Variants in PAK3 observed in about 807,000 individuals in gnomAD.
PAK3 encodes serine/threonine-protein kinase PAK 3.
Under a neutral mutation model 41.0 loss-of-function variants are expected in PAK3, and 4 were observed. The observed-to-expected ratio is 0.10, with a 90% confidence interval of 0.05 to 0.22. The LOEUF (loss-of-function observed/expected upper bound fraction) is 0.22. Ranked by LOEUF, PAK3 falls within the 10% of genes least tolerant of loss-of-function variation. The pLI, the probability that PAK3 is intolerant of heterozygous loss-of-function variation, is 1.00. For missense variants in PAK3, 205 were observed against 409.9 expected, an observed-to-expected ratio of 0.50 and a Z score of 4.32; for synonymous variants, 146 against 139.6, an observed-to-expected ratio of 1.05 and a Z score of -0.32.
At chrX:111,182,152 C>G (rs909526570) in intron 11 of PAK3, among the ~76,000 whole-genome samples, 3 of 111,178 alleles carry the variant, frequency 2.7e-5, no homozygotes, top group Non-Finnish European at 5.7e-5. Context: ...GCCACCTGCC[C>G]CCCTTTCCTG....
chrX:111,001,995 G>A (rs1327664057), intron 1 of PAK3, among the ~76,000 whole-genome samples: 2 of 111,003 alleles, frequency 1.8e-5, no homozygotes, highest in Admixed American at 1.9e-4. Flanking sequence ...GTAAAATACT[G>A]CATAAGGTAT....
At chrX:111,085,011 G>A (rs1342791332) in intron 1 of PAK3, among the ~76,000 whole-genome samples, 2 of 111,620 alleles carry the variant, frequency 1.8e-5, no homozygotes, top group Non-Finnish European at 3.8e-5. Flanking sequence ...AATGGTCTGG[G>A]GAGAGAATCT....
At chrX:110,960,107 A>G (rs1227772060) in intron 1 of PAK3, among the ~76,000 whole-genome samples, 1 of 111,617 alleles carries the variant, frequency 9.0e-6, no homozygotes, top group Non-Finnish European at 1.9e-5. Flanking sequence ...CTTGTTGGCA[A>G]TCTATCCAAC....
At chrX:111,188,448 T>C (rs188249608) in intron 11 of PAK3, among the ~76,000 whole-genome samples, 1 of 111,190 alleles carries the variant, frequency 9.0e-6, no homozygotes, top group East Asian at 2.8e-4. Flanking sequence ...GGTTTCTTCA[T>C]ACAGTTTCAT....
At chrX:110,982,943 T>G (rs1221774452) in intron 1 of PAK3, among the ~76,000 whole-genome samples, 1 of 110,084 alleles carries the variant, frequency 9.1e-6, no homozygotes, top group Admixed American at 9.7e-5. Flanking sequence ...AGGGGATGAT[T>G]TGTATTTATG....
intron 1 of PAK3, among the ~76,000 whole-genome samples, chrX:111,086,234 G>C (rs747125514): frequency 9.0e-6 from 1 of 111,611 alleles, no homozygotes; most frequent in East Asian, 2.8e-4. Context: ...ATCTGTAAGA[G>C]AAAGTAAGGA....
At chrX:110,949,444 A>C (rs1422652364) in intron 1 of PAK3, among the ~76,000 whole-genome samples, 1 of 111,628 alleles carries the variant, frequency 9.0e-6, no homozygotes, top group African/African-American at 3.3e-5. Flanking sequence ...TGTGCCAAGG[A>C]TCCCCTTGAA....
chrX:110,970,565 G>A (rs770824423), intron 1 of PAK3, among the ~76,000 whole-genome samples: 3 of 111,059 alleles, frequency 2.7e-5, no homozygotes, highest in East Asian at 2.8e-4. Context: ...CATGGACATC[G>A]GGAGGGGAAC....
At chrX:110,994,553 C>T (rs754199723) in intron 1 of PAK3, among the ~76,000 whole-genome samples, 1 of 111,631 alleles carries the variant, frequency 9.0e-6, no homozygotes, top group Non-Finnish European at 1.9e-5. Flanking sequence ...CCTGACCAAG[C>T]AGGACACTTG....
At chrX:111,116,691 G>A (rs2093470682) in intron 4 of PAK3, among the ~76,000 whole-genome samples, 1 of 111,750 alleles carries the variant, frequency 8.9e-6, no homozygotes, top group African/African-American at 3.2e-5. Context: ...GAAAACAATG[G>A]AAGTCACTCA....
chrX:110,980,249 G>A (rs979653387), intron 1 of PAK3, among the ~76,000 whole-genome samples: 14 of 112,204 alleles, frequency 1.2e-4, no homozygotes, highest in African/African-American at 4.5e-4. Context: ...AATCATTGGA[G>A]TAATTTCTCA....
At chrX:111,118,543 C>T (rs1369613885) in intron 4 of PAK3, among the ~76,000 whole-genome samples, 1 of 110,365 alleles carries the variant, frequency 9.1e-6, no homozygotes, top group Non-Finnish European at 1.9e-5. Flanking sequence ...GTTTGATCCT[C>T]TCATTTGCTA....
intron 14 of PAK3, among the ~76,000 whole-genome samples, chrX:111,195,491 A>G (rs2094604960): frequency 8.9e-6 from 1 of 112,218 alleles, no homozygotes; most frequent in Non-Finnish European, 1.9e-5. Flanking sequence ...CATGCCATCT[A>G]CAATGAAGCT....
At chrX:111,006,997 A>T (rs1249552830) in intron 1 of PAK3, among the ~76,000 whole-genome samples, 1 of 108,482 alleles carries the variant, frequency 9.2e-6, no homozygotes, top group African/African-American at 3.4e-5. Context: ...TACAGGCATG[A>T]GTTACCATGC....
At chrX:111,082,477 A>G (rs746084728) in intron 1 of PAK3, among the ~76,000 whole-genome samples, 12 of 111,693 alleles carry the variant, frequency 1.1e-4, no homozygotes, top group Non-Finnish European at 1.7e-4. Flanking sequence ...TCATGTAGAC[A>G]CCAAGTGGGT....
At chrX:110,949,490 G>A (rs1039247563) in intron 1 of PAK3, among the ~76,000 whole-genome samples, 1 of 111,676 alleles carries the variant, frequency 9.0e-6, no homozygotes, top group African/African-American at 3.3e-5. Flanking sequence ...CCCAGAGAAG[G>A]CCTCTCATCC....
At chrX:110,968,168 C>T (rs927059417) in intron 1 of PAK3, among the ~76,000 whole-genome samples, 2 of 112,513 alleles carry the variant, frequency 1.8e-5, no homozygotes, top group Non-Finnish European at 3.8e-5. Flanking sequence ...TAGTTCATTC[C>T]TTTTTATTGC....
intron 1 of PAK3, among the ~76,000 whole-genome samples, chrX:111,079,687 A>G (rs979409269): frequency 8.9e-6 from 1 of 112,478 alleles, no homozygotes; most frequent in Non-Finnish European, 1.9e-5. Context: ...ACATTTTATA[A>G]GGTTATAACT....
rs182150711 is a variant in PAK3 at position 110,962,679 on chromosome X, G to T, written c.-28+18051G>T. Among the ~76,000 whole-genome samples, 882 of 112,520 alleles carry T rather than the reference G, an allele frequency of 7.8e-3. 24 individuals carry two copies. The highest frequency in any genetic ancestry group is 0.064 in the Admixed American group (679 of 10,602). On this transcript the variant is annotated intron_variant, in intron 1 of 14. Transcript: ENST00000425146. ...GCAGGCCACATAACAGGGCCAAGCC[G>T]CCAAGCCTCTAATTTAACTAGGACA...
Sources: allele counts gnomAD v4.1 joint callset (sites outside exome capture counted in the v4.1 genomes callset), GRCh38; gene constraint gnomAD v4.1.1; transcripts MANE v1.5; gene names NCBI Gene and HGNC (gene_info 2026-07-23, HGNC 2026-07-21).